SRPRA: variants seen among roughly 807,000 people sequenced by gnomAD.
The protein encoded by SRPRA is SRP receptor subunit alpha.
A neutral mutation model predicts 61.1 loss-of-function variants in SRPRA; 30 were observed. The observed-to-expected ratio is 0.49, with a 90% CI of 0.37 to 0.67. SRPRA has a LOEUF of 0.67. Ranked by LOEUF, SRPRA falls within the 30% of genes least tolerant of loss-of-function variation. SRPRA has a pLI of 0.00. For synonymous variants in SRPRA, 324 were observed against 299.7 expected, an observed-to-expected ratio of 1.08 and a Z score of -0.84; for missense variants, 759 against 828.4, an observed-to-expected ratio of 0.92 and a Z score of 1.03.
chr11:126,241,702 A>G, the SRPRA span, among the ~76,000 whole-genome samples: 2 of 152,054 alleles, frequency 1.3e-5, no homozygotes, highest in Admixed American at 1.3e-4. Context: ...GGCATGTGCC[A>G]CCATGCCCAG....
At chr11:126,247,586 G>A in the SRPRA span, among the ~76,000 whole-genome samples, 298 of 152,126 alleles carry the variant, frequency 2.0e-3, 1 homozygote, top group African/African-American at 5.8e-3. Flanking sequence ...ATTTGCCAGC[G>A]CGGTGGCTCA....
chr11:126,251,605 A>G, the SRPRA span, among the ~76,000 whole-genome samples: 1 of 152,184 alleles, frequency 6.6e-6, no homozygotes, highest in Admixed American at 6.5e-5. Flanking sequence ...TTCTTCATTT[A>G]TAACTCTCAA....
chr11:126,247,379 T>G, the SRPRA span, among the ~76,000 whole-genome samples: 11 of 152,306 alleles, frequency 7.2e-5, no homozygotes, highest in East Asian at 2.1e-3. Flanking sequence ...TATGTAGGAT[T>G]TAGTAGCTTA....
chr11:126,265,947 G>A lies in SRPRA; in HGVS notation c.1051+16C>T, dbSNP rs1215993789. ...CTATCCCGCGAGTATGAGTCAGCCCGGTCCTCAGAACTTACCAATGAGATG... is the reference window on the plus strand; with the variant it reads ...CTATCCCGCGAGTATGAGTCAGCCCAGTCCTCAGAACTTACCAATGAGATG... On this transcript the variant is annotated intron_variant, in intron 8 of 13. Transcript: ENST00000332118. The surrounding 1 kb of genome is among the most constrained non-coding windows in gnomAD (Gnocchi z 6.3). 3.7e-6 allele frequency: 6 copies of A among 1,612,766 alleles called. No homozygotes were observed. Among genetic ancestry groups the A allele is most frequent in the East Asian group, 4.5e-5 (2 of 44,892 alleles).
the SRPRA span, among the ~76,000 whole-genome samples, chr11:126,239,799 C>G: frequency 6.6e-6 from 1 of 152,178 alleles, no homozygotes; most frequent in Non-Finnish European, 1.5e-5. Flanking sequence ...CAGGCGTGAG[C>G]CACTGCTCCT....
chr11:126,235,994 A>G, the SRPRA span, among the ~76,000 whole-genome samples: 90 of 152,314 alleles, frequency 5.9e-4, no homozygotes, highest in African/African-American at 2.1e-3. Flanking sequence ...ATGCTCTGAC[A>G]GAAGAATAAA....
chr11:126,253,742 A>C, the SRPRA span, among the ~76,000 whole-genome samples: 4 of 152,324 alleles, frequency 2.6e-5, no homozygotes, highest in African/African-American at 9.6e-5. The surrounding 1 kb of genome is among the most constrained non-coding windows in gnomAD (Gnocchi z 5.1). Flanking sequence ...CCCTGCAAGC[A>C]ATTGGCCAGG....
Position 126,265,924 on chromosome 11 carries a change from A to G in SRPRA, c.1051+39T>C, listed in dbSNP as rs1401410674. 2 of 1,611,382 alleles carry G rather than the reference A, an allele frequency of 1.2e-6. No homozygotes were observed. The highest frequency in any genetic ancestry group is 1.1e-5 in the South Asian group (1 of 91,034). On this transcript the variant is annotated intron_variant, in intron 8 of 13. Coordinates refer to ENST00000332118, the MANE Select transcript of SRPRA (RefSeq NM_003139.4). This position sits in a 1 kb window ranked among gnomAD's most constrained non-coding sequence, Gnocchi z 6.3. ...GGTGATTCTGCTCTCAACTACCCCT[A>G]TCCCGCGAGTATGAGTCAGCCCGGT...
chr11:126,248,062 C>G, the SRPRA span, among the ~76,000 whole-genome samples: 1 of 150,564 alleles, frequency 6.6e-6, no homozygotes, highest in Admixed American at 6.6e-5. Context: ...AGGAGAATCA[C>G]CTGAACCAGA....
the SRPRA span, among the ~76,000 whole-genome samples, chr11:126,243,111 A>G: frequency 6.6e-6 from 1 of 152,242 alleles, no homozygotes; most frequent in African/African-American, 2.4e-5. Flanking sequence ...AAAAGGACAT[A>G]TATTGTATGA....
chr11:126,259,358 A>G (rs1950634018), downstream of SRPRA, among the ~76,000 whole-genome samples: 1 of 152,150 alleles, frequency 6.6e-6, no homozygotes. Context: ...ATTTTGGAAA[A>G]ATCAAGCAGT....
In SRPRA at chr11:126,264,373, C is replaced by G; in HGVS notation, c.1689+3G>C. 6.2e-7 allele frequency: 1 copy of G among 1,614,228 alleles called. No homozygotes were observed. On this transcript the variant is annotated splice_donor_region_variant and intron_variant, in intron 12 of 13. Coordinates refer to ENST00000332118, the MANE Select transcript of SRPRA (RefSeq NM_003139.4). This position sits in a 1 kb window ranked among gnomAD's most constrained non-coding sequence, Gnocchi z 5.0. ...GTAAAGGGAACTGGGCCCACGCTCT[C>G]ACCAGCTGGTCCACGGCTTCATTGC...
the SRPRA span, among the ~76,000 whole-genome samples, chr11:126,240,366 A>G: frequency 6.6e-6 from 1 of 151,854 alleles, no homozygotes; most frequent in Non-Finnish European, 1.5e-5. Context: ...TCTCAATAAT[A>G]GGAACTTAAT....
the SRPRA span, chr11:126,241,104 TA>T: frequency 6.7e-7 from 1 of 1,485,124 alleles, no homozygotes; most frequent in Non-Finnish European, 9.0e-7. Context: ...CTATCACAAC[TA>T]GCATGATTTG....
the SRPRA span, among the ~76,000 whole-genome samples, chr11:126,243,742 A>G: frequency 6.6e-6 from 1 of 152,020 alleles, no homozygotes; most frequent in Non-Finnish European, 1.5e-5. Flanking sequence ...TGTCTCTACT[A>G]AAAATACAAA....
intron 1 of SRPRA, 90 bp downstream of exon 1, chr11:126,268,598 G>A (rs1950874129): frequency 9.4e-7 from 1 of 1,069,302 alleles, no homozygotes; most frequent in East Asian, 2.4e-5. Flanking sequence ...GGGCGGGGAG[G>A]GTGGGAGGAG....
At position 126,265,826 on chromosome 11, in the gene SRPRA, G is replaced by C; in HGVS notation, c.1052-3C>G. The C allele has an allele frequency of 6.2e-7, 1 of 1,614,242 alleles. No individual in the cohort carries two copies. The highest frequency in any genetic ancestry group is 8.5e-7 in the Non-Finnish European group (1 of 1,180,042). On this transcript the variant is annotated splice_region_variant and splice_polypyrimidine_tract_variant and intron_variant, in intron 8 of 13. Coordinates refer to ENST00000332118, the MANE Select transcript of SRPRA (RefSeq NM_003139.4). The surrounding 1 kb of genome is among the most constrained non-coding windows in gnomAD (Gnocchi z 6.3). ...AATGTCTGCAGCCACGTTCTTAGCT[G>C]AGGAGAGGGGGACAGGTATGTCAGT... is the stretch of plus-strand genomic sequence containing the variant.
chr11:126,262,339 TC>T, downstream of SRPRA: 1 of 465,444 alleles, frequency 2.1e-6, no homozygotes, highest in Non-Finnish European at 3.9e-6. Flanking sequence ...CTGTTCAAGT[TC>T]AAGAATAAAA....
chr11:126,265,476 ACTCAAGGAATGCT>A lies in SRPRA; in HGVS notation c.1139-49_1139-37del. On this transcript the variant is annotated intron_variant, in intron 9 of 13. Transcript: ENST00000332118. The surrounding 1 kb of genome is among the most constrained non-coding windows in gnomAD (Gnocchi z 6.3). ...AGGTGGAGGAGGTTGCAGCTGTGAA[ACTCAAGGAATGCT>A]CTCAAAAATGCCTAACACCTTTCTG... The A allele has an allele frequency of 1.9e-6, 3 of 1,593,224 alleles. No individual in the cohort carries two copies. Among genetic ancestry groups the A allele is most frequent in the Non-Finnish European group, 2.6e-6 (3 of 1,169,938 alleles).
Sources: gnomAD v4.1 joint callset for allele counts (sites outside exome capture counted in the v4.1 genomes callset) on GRCh38, gnomAD v4.1.1 for gene constraint, Gnocchi (gnomAD v3.1) non-coding constraint, MANE v1.5 for transcripts, NCBI Gene and HGNC (gene_info 2026-07-23, HGNC 2026-07-21) for gene names.